Variants in PTPRD observed in about 807,000 individuals in gnomAD.
PTPRD encodes protein tyrosine phosphatase receptor type D.
A neutral mutation model predicts 214.5 loss-of-function variants in PTPRD; 34 were observed. The observed-to-expected ratio is 0.16, with a 90% confidence interval of 0.12 to 0.21. The LOEUF is 0.21. Among genes scored for constraint, PTPRD ranks in the 10% least tolerant of loss-of-function variants. The pLI is 1.00. For missense variants in PTPRD, 2,545 were observed against 2,398.7 expected, an observed-to-expected ratio of 1.06 and a Z score of -1.27; for synonymous variants, 1,128 against 845.7, an observed-to-expected ratio of 1.33 and a Z score of -5.79.
chr9:9,738,267 A>AAAC (rs556902908), intron 6 of PTPRD, among the ~76,000 whole-genome samples: 1 of 152,098 alleles, frequency 6.6e-6, no homozygotes, highest in African/African-American at 2.4e-5. Context: ...ACAAAAATTC[A>AAAC]AACAACAACA....
Position 8,518,116 on chromosome 9 carries a change from C to T in PTPRD, c.1275G>A (p.Gln425=), listed in dbSNP as rs1239897967. 1.2e-5 allele frequency: 19 copies of T among 1,614,048 alleles called. No homozygotes were observed. Among genetic ancestry groups the T allele is most frequent in the East Asian group, 2.2e-5 (1 of 44,886 alleles). ...TGGTGGTCGAACTCAACATTCGTGC[C>T]TGGACATCCCTCGGGGCACTGGATG... ...QAPSSAPRDV[Q]ARMLSSTTIL... is the part of the protein sequence containing the mutation. Residue 425 remains glutamine (Q), a synonymous_variant, in exon 21 of 46, where the codon CAG becomes CAA. Transcript: ENST00000381196.
chr9:8,775,883 A>G (rs2381899), intron 11 of PTPRD, among the ~76,000 whole-genome samples: 107,606 of 151,340 alleles, frequency 0.71, 38,291 homozygotes, highest in Middle Eastern at 0.81. Flanking sequence ...AATGAAGAAT[A>G]GTAACAATGA....
chr9:9,284,611 G>A (rs1948787568), intron 9 of PTPRD, among the ~76,000 whole-genome samples: 1 of 151,702 alleles, frequency 6.6e-6, no homozygotes, highest in Non-Finnish European at 1.5e-5. Flanking sequence ...AATGTCTTGT[G>A]TGACACTATT....
chr9:8,651,522 A>C (rs1449410209), intron 12 of PTPRD, among the ~76,000 whole-genome samples: 1 of 152,208 alleles, frequency 6.6e-6, no homozygotes, highest in African/African-American at 2.4e-5. Flanking sequence ...AATGAGTTCT[A>C]GATGGAACAC....
In PTPRD at chr9:8,636,864, T is replaced by C. The variant is rs114241506; in HGVS notation, c.65-20A>G. The C allele has an allele frequency of 6.2e-7, 1 of 1,607,812 alleles. No homozygotes were observed. Among genetic ancestry groups the C allele is most frequent in the Admixed American group, 1.7e-5 (1 of 59,814 alleles). On this transcript the variant is annotated intron_variant, in intron 12 of 45. Coordinates refer to ENST00000381196, the MANE Select transcript of PTPRD (RefSeq NM_002839.4). ...GAGGTGCTGAAATAAAAAATAAACATCACAGTTAAATTGAAAACTGAAATA... is the reference window on the plus strand; with the variant it reads ...GAGGTGCTGAAATAAAAAATAAACACCACAGTTAAATTGAAAACTGAAATA...
At chr9:10,449,333 A>G (rs1171359922) in intron 2 of PTPRD, among the ~76,000 whole-genome samples, 1 of 151,862 alleles carries the variant, frequency 6.6e-6, no homozygotes, top group African/African-American at 2.4e-5. Flanking sequence ...AGTCTCGCTC[A>G]CTCAGTGCTC....
intron 5 of PTPRD, among the ~76,000 whole-genome samples, chr9:9,819,900 G>C (rs1243570419): frequency 6.6e-6 from 1 of 152,036 alleles, no homozygotes; most frequent in African/African-American, 2.4e-5. Flanking sequence ...CATTGTTGAT[G>C]GACACATAGA....
chr9:8,484,577 G>A (rs942039046), intron 29 of PTPRD, among the ~76,000 whole-genome samples, 199 bp from the exon 30 acceptor site: 1 of 124,710 alleles, frequency 8.0e-6, no homozygotes, highest in African/African-American at 3.4e-5. Context: ...ATGATAAAAT[G>A]TTTCCAAGTC....
intron 3 of PTPRD, among the ~76,000 whole-genome samples, chr9:10,040,036 C>A (rs2097266891): frequency 1.3e-5 from 2 of 151,958 alleles, no homozygotes; most frequent in South Asian, 4.2e-4. Flanking sequence ...TTGTTTTCAG[C>A]AATGCATGGC....
chr9:9,445,883 T>C (rs1036690945), intron 8 of PTPRD, among the ~76,000 whole-genome samples: 1 of 152,190 alleles, frequency 6.6e-6, no homozygotes, highest in African/African-American at 2.4e-5. Flanking sequence ...GGAACTCTTG[T>C]GCTTATGCAA....
At chr9:8,439,625 G>C (rs1036733614) in intron 34 of PTPRD, among the ~76,000 whole-genome samples, 2 of 152,056 alleles carry the variant, frequency 1.3e-5, no homozygotes, top group Non-Finnish European at 2.9e-5. Flanking sequence ...TAATCATCAA[G>C]AGTAAAACTC....
At chr9:9,520,462 C>A (rs187786972) in intron 8 of PTPRD, among the ~76,000 whole-genome samples, 1 of 152,020 alleles carries the variant, frequency 6.6e-6, no homozygotes, top group Admixed American at 6.6e-5. Flanking sequence ...CTGAGGGAGA[C>A]GGAGCATTTA....
intron 8 of PTPRD, among the ~76,000 whole-genome samples, chr9:9,477,818 C>CA (rs373140695): frequency 1.6e-3 from 241 of 151,614 alleles, no homozygotes; most frequent in African/African-American, 5.5e-3. Context: ...AAACGTGTTT[C>CA]AAAAAAAACA....
chr9:9,761,315 T>C (rs867276097), intron 6 of PTPRD, among the ~76,000 whole-genome samples: 10 of 152,332 alleles, frequency 6.6e-5, no homozygotes, highest in African/African-American at 2.4e-4. Context: ...TTATATATCA[T>C]GTTTAAAATG....
At chr9:9,307,736 T>C (rs1207800878) in intron 9 of PTPRD, among the ~76,000 whole-genome samples, 1 of 152,200 alleles carries the variant, frequency 6.6e-6, no homozygotes, top group African/African-American at 2.4e-5. Context: ...TGCATAACTT[T>C]CAGATTAAAA....
chr9:8,501,615 A>T (rs564182562), intron 23 of PTPRD, among the ~76,000 whole-genome samples: 10 of 152,202 alleles, frequency 6.6e-5, no homozygotes, highest in Non-Finnish European at 1.5e-4. Context: ...TAAATAAACA[A>T]CAAACATAAG....
At chr9:9,640,917 T>G (rs1319369332) in intron 7 of PTPRD, among the ~76,000 whole-genome samples, 2 of 152,206 alleles carry the variant, frequency 1.3e-5, no homozygotes, top group African/African-American at 4.8e-5. Flanking sequence ...TGATTTAAAT[T>G]GAATGATCTG....
At chr9:8,520,875 G>C (rs1407226216) in intron 20 of PTPRD, among the ~76,000 whole-genome samples, 1 of 151,136 alleles carries the variant, frequency 6.6e-6, no homozygotes, top group East Asian at 1.9e-4. Context: ...TTTTTCCTTT[G>C]TATTTAGAAA....
intron 2 of PTPRD, among the ~76,000 whole-genome samples, chr9:10,355,215 G>A (rs1171644606): frequency 6.6e-6 from 1 of 151,992 alleles, no homozygotes; most frequent in Non-Finnish European, 1.5e-5. Context: ...GGCAAAATAT[G>A]TATCTTGGTA....
Sources: gnomAD v4.1 joint callset for allele counts (sites outside exome capture counted in the v4.1 genomes callset) on GRCh38, gnomAD v4.1.1 for gene constraint, MANE v1.5 for transcripts, NCBI Gene and HGNC (gene_info 2026-07-23, HGNC 2026-07-21) for gene names.